Variants in PRKG1 observed in about 807,000 individuals in gnomAD.
PRKG1 encodes protein kinase cGMP-dependent 1, also known as cGMP-dependent protein kinase 1.
PRKG1 carries 35 observed loss-of-function variants against 88.1 expected under a neutral mutation model. The observed-to-expected ratio is 0.40, with a 90% CI of 0.30 to 0.53. The LOEUF (loss-of-function observed/expected upper bound fraction) is 0.53, where lower values mean the gene tolerates loss of function less well. Ranked by LOEUF, PRKG1 falls within the 20% of genes least tolerant of loss-of-function variation. PRKG1 has a pLI of 0.59. For synonymous variants in PRKG1, 303 were observed against 292.5 expected, an observed-to-expected ratio of 1.04 and a Z score of -0.37; for missense variants, 540 against 839.8, an observed-to-expected ratio of 0.64 and a Z score of 4.41.
At chr10:51,964,149 G>A (rs1281615243) in intron 5 of PRKG1, among the ~76,000 whole-genome samples, 1 of 152,088 alleles carries the variant, frequency 6.6e-6, no homozygotes, top group Non-Finnish European at 1.5e-5. Context: ...TCCTTTTGCT[G>A]ACATTGACCC....
chr10:51,091,331 A>C (rs1462670229), intron 1 of PRKG1, among the ~76,000 whole-genome samples: 1 of 152,150 alleles, frequency 6.6e-6, no homozygotes, highest in Non-Finnish European at 1.5e-5. Flanking sequence ...CCAGTTTTGG[A>C]ACATTTCAAT....
intron 3 of PRKG1, among the ~76,000 whole-genome samples, chr10:51,625,854 G>C (rs1370376909): frequency 6.6e-6 from 1 of 152,094 alleles, no homozygotes; most frequent in African/African-American, 2.4e-5. Context: ...TATGTTCTGG[G>C]TTATAGCTTT....
At chr10:51,243,387 G>C (rs1839204943) in intron 2 of PRKG1, among the ~76,000 whole-genome samples, 1 of 152,222 alleles carries the variant, frequency 6.6e-6, no homozygotes, top group Non-Finnish European at 1.5e-5. Flanking sequence ...AGCCAGAGCA[G>C]TCAGCAGAAG....
chr10:51,592,563 G>A (rs1274366420), intron 3 of PRKG1, among the ~76,000 whole-genome samples: 6 of 152,246 alleles, frequency 3.9e-5, no homozygotes, highest in South Asian at 2.1e-4. Context: ...GGGTCTCTGA[G>A]AGGATTCCAT....
At chr10:51,553,797 A>G (rs943991757) in intron 3 of PRKG1, among the ~76,000 whole-genome samples, 6 of 122,686 alleles carry the variant, frequency 4.9e-5, no homozygotes, top group African/African-American at 1.7e-4. Context: ...AGATACGTGT[A>G]TATAATATAT....
At chr10:51,087,317 A>C (rs190045876) in intron 1 of PRKG1, among the ~76,000 whole-genome samples, 1 of 152,144 alleles carries the variant, frequency 6.6e-6, no homozygotes, top group African/African-American at 2.4e-5. Flanking sequence ...GATGATGATG[A>C]TAATGATGAT....
At chr10:51,947,134 C>A (rs1329360871) in intron 5 of PRKG1, among the ~76,000 whole-genome samples, 2 of 151,570 alleles carry the variant, frequency 1.3e-5, no homozygotes, top group African/African-American at 4.9e-5. Context: ...AGCTTCCCAG[C>A]TGCTTTGTTT....
At chr10:51,426,474 G>A (rs953758399) in intron 2 of PRKG1, among the ~76,000 whole-genome samples, 6 of 152,116 alleles carry the variant, frequency 3.9e-5, no homozygotes, top group African/African-American at 1.4e-4. Flanking sequence ...TTAATTAAAA[G>A]ATAAAAGAGC....
chr10:51,997,912 A>G (rs886947727), intron 5 of PRKG1, among the ~76,000 whole-genome samples: 1 of 151,808 alleles, frequency 6.6e-6, no homozygotes, highest in Non-Finnish European at 1.5e-5. Context: ...TCTGCTGACC[A>G]TAACTTCCAA....
intron 2 of PRKG1, among the ~76,000 whole-genome samples, chr10:51,324,709 C>G (rs1240882434): frequency 6.6e-6 from 1 of 152,178 alleles, no homozygotes; most frequent in Non-Finnish European, 1.5e-5. Context: ...CCACTGCACT[C>G]CAGCCTGGGC....
intron 3 of PRKG1, among the ~76,000 whole-genome samples, chr10:51,522,668 GTT>G (rs774191124): frequency 5.9e-5 from 9 of 152,130 alleles, no homozygotes; most frequent in Admixed American, 3.9e-4. Context: ...TTGTGAATCA[GTT>G]TAAGTCTGAG....
chr10:51,129,061 T>C (rs1845500496), intron 1 of PRKG1, among the ~76,000 whole-genome samples: 1 of 152,228 alleles, frequency 6.6e-6, no homozygotes, highest in South Asian at 2.1e-4. Flanking sequence ...GATCTAATGA[T>C]GATGATGATA....
At chr10:52,041,700 G>A (rs879757857) in intron 5 of PRKG1, among the ~76,000 whole-genome samples, 8 of 151,976 alleles carry the variant, frequency 5.3e-5, no homozygotes, top group Admixed American at 1.3e-4. Flanking sequence ...CTGAATCTTC[G>A]TAAGTTGTAT....
intron 3 of PRKG1, among the ~76,000 whole-genome samples, chr10:51,485,746 A>C (rs1840514705): frequency 6.6e-6 from 1 of 152,196 alleles, no homozygotes; most frequent in Non-Finnish European, 1.5e-5. Context: ...TGGAAACAAA[A>C]GGGGCAAGAC....
intron 3 of PRKG1, among the ~76,000 whole-genome samples, chr10:51,801,077 C>G (rs1328844037): frequency 6.6e-6 from 1 of 152,064 alleles, no homozygotes; most frequent in Non-Finnish European, 1.5e-5. Flanking sequence ...GTATTCACAG[C>G]CCCAGAAGCT....
At chr10:51,680,185 C>A (rs978343754) in intron 3 of PRKG1, among the ~76,000 whole-genome samples, 2 of 151,582 alleles carry the variant, frequency 1.3e-5, no homozygotes, top group Non-Finnish European at 2.9e-5. Flanking sequence ...ATCCTTCATC[C>A]GGATAAAAGG....
At chr10:51,575,291 G>A (rs1346531907) in intron 3 of PRKG1, among the ~76,000 whole-genome samples, 30 of 151,846 alleles carry the variant, frequency 2.0e-4, no homozygotes, top group Non-Finnish European at 2.9e-4. Context: ...TTTTGGTTAG[G>A]CCTCTCCAGA....
intron 2 of PRKG1, among the ~76,000 whole-genome samples, chr10:51,455,866 T>G (rs1021148969): frequency 6.6e-6 from 1 of 152,202 alleles, no homozygotes. Flanking sequence ...TCTGTCTTCT[T>G]CTGAGCCCTG....
At chr10:51,854,973 A>T (rs1212052452) in intron 4 of PRKG1, among the ~76,000 whole-genome samples, 1 of 152,212 alleles carries the variant, frequency 6.6e-6, no homozygotes, top group Non-Finnish European at 1.5e-5. Context: ...ACTGTGCCTG[A>T]TAAATTTAGA....
Sources: gnomAD v4.1 joint callset for allele counts (sites outside exome capture counted in the v4.1 genomes callset) on GRCh38, gnomAD v4.1.1 for gene constraint, MANE v1.5 for transcripts, NCBI Gene and HGNC (gene_info 2026-07-23, HGNC 2026-07-21) for gene names.